Variants in ANKRD13C observed in about 807,000 individuals in gnomAD.
ANKRD13C encodes the protein ankyrin repeat domain 13C, also known as ankyrin repeat domain-containing protein 13C.
ANKRD13C carries 16 observed loss-of-function variants against 65.5 expected under a neutral mutation model. The observed-to-expected ratio is 0.24, with a 90% CI of 0.17 to 0.37. The LOEUF is 0.37. Ranked by LOEUF, ANKRD13C falls within the 10% of genes least tolerant of loss-of-function variation. ANKRD13C has a pLI of 1.00. For synonymous variants in ANKRD13C, 235 were observed against 238.7 expected (o/e 0.98, Z 0.14); for missense variants, 503 against 655.9 (o/e 0.77, Z 2.55).
intron 7 of ANKRD13C, among the ~76,000 whole-genome samples, chr1:70,299,056 T>G (rs1680213781): frequency 6.6e-6 from 1 of 152,104 alleles, no homozygotes; most frequent in Non-Finnish European, 1.5e-5. Flanking sequence ...AATGTAACAT[T>G]AGAAGCTTTA....
At chr1:70,344,630 T>C (rs922528170) in intron 1 of ANKRD13C, among the ~76,000 whole-genome samples, 3 of 152,082 alleles carry the variant, frequency 2.0e-5, no homozygotes, top group East Asian at 3.8e-4. Flanking sequence ...AGAAGAAAAA[T>C]AGACCTAATA....
At chr1:70,327,996 C>T (rs979838654) in intron 2 of ANKRD13C, among the ~76,000 whole-genome samples, 4 of 151,934 alleles carry the variant, frequency 2.6e-5, no homozygotes, top group Non-Finnish European at 5.9e-5. Context: ...ACCCAGAAGG[C>T]GGAGGTTGCA....
intron 11 of ANKRD13C, among the ~76,000 whole-genome samples, chr1:70,272,325 A>G (rs994699928): frequency 1.3e-5 from 2 of 151,786 alleles, no homozygotes; most frequent in African/African-American, 4.8e-5. Context: ...TCCCGGGTTC[A>G]AGTGATTGTC....
intron 12 of ANKRD13C, among the ~76,000 whole-genome samples, chr1:70,269,816 A>G (rs554589897): frequency 2.4e-4 from 36 of 152,232 alleles, no homozygotes; most frequent in African/African-American, 7.0e-4. Flanking sequence ...AATTTTTAGC[A>G]ATGAAAACAT....
intron 1 of ANKRD13C, among the ~76,000 whole-genome samples, chr1:70,336,914 C>T (rs1682066568): frequency 6.6e-6 from 1 of 152,140 alleles, no homozygotes; most frequent in South Asian, 2.1e-4. Flanking sequence ...AAATGATACC[C>T]TAAGCCATAC....
intron 7 of ANKRD13C, among the ~76,000 whole-genome samples, chr1:70,298,399 T>TAAAC (rs1680185186): frequency 6.6e-6 from 1 of 152,184 alleles, no homozygotes. Flanking sequence ...CATATTAGGA[T>TAAAC]AAACAACAAG....
chr1:70,311,023 G>GCC, intron 5 of ANKRD13C, among the ~76,000 whole-genome samples: 1 of 152,276 alleles, frequency 6.6e-6, no homozygotes, highest in East Asian at 1.9e-4. Flanking sequence ...AGCCTGATGA[G>GCC]CTAGAGTTAT....
At chr1:70,272,966 C>T (rs1243355482) in intron 11 of ANKRD13C, among the ~76,000 whole-genome samples, 9 of 150,614 alleles carry the variant, frequency 6.0e-5, no homozygotes. Flanking sequence ...CCAGCCTTGG[C>T]AACAGAGTGA....
rs115349962 is a variant in ANKRD13C at position 70,299,136 on chromosome 1, G to C, written c.921+1628C>G. ...GGTGGGAGAGAAAGTAACACCAAGT[G>C]CATGCCCTACAGGTGTGAGGGTGCA... On this transcript the variant is annotated intron_variant, in intron 7 of 12. Transcript: ENST00000370944. Among the ~76,000 whole-genome samples the C allele has an allele frequency of 7.7e-3, 1,176 of 152,286 alleles. 16 individuals carry two copies. The highest frequency in any genetic ancestry group is 0.027 in the African/African-American group (1,116 of 41,544).
At chr1:70,316,875 T>G (rs974879188) in intron 3 of ANKRD13C, among the ~76,000 whole-genome samples, 1 of 152,160 alleles carries the variant, frequency 6.6e-6, no homozygotes. Context: ...CACGCTAGTT[T>G]CCTCCTGATT....
At chr1:70,327,903 A>T (rs1312712821) in intron 2 of ANKRD13C, among the ~76,000 whole-genome samples, 2 of 152,056 alleles carry the variant, frequency 1.3e-5, no homozygotes, top group East Asian at 3.9e-4. Flanking sequence ...GTCTCTACTA[A>T]AATACAAAAA....
chr1:70,350,196 T>C (rs1682689162), intron 1 of ANKRD13C, among the ~76,000 whole-genome samples: 3 of 152,242 alleles, frequency 2.0e-5, no homozygotes, highest in Admixed American at 6.5e-5. Flanking sequence ...AAGTATATGC[T>C]GCTTTACAGC....
At chr1:70,276,464 C>A (rs563427335) in intron 10 of ANKRD13C, among the ~76,000 whole-genome samples, 2 of 152,258 alleles carry the variant, frequency 1.3e-5, no homozygotes, top group South Asian at 4.1e-4. Flanking sequence ...AAGCAACTGT[C>A]CTGCGCAATT....
intron 6 of ANKRD13C, among the ~76,000 whole-genome samples, chr1:70,302,720 C>T (rs1303131186): frequency 1.6e-5 from 1 of 64,014 alleles, no homozygotes; most frequent in Non-Finnish European, 2.6e-5. Context: ...AGCGAGACTC[C>T]GTCTCAAAAA....
intron 5 of ANKRD13C, among the ~76,000 whole-genome samples, chr1:70,309,026 C>T (rs192245943): frequency 7.3e-5 from 11 of 151,328 alleles, no homozygotes; most frequent in Non-Finnish European, 1.0e-4. Context: ...CTACCACTTA[C>T]TCCCCAATTT....
At chr1:70,300,443 C>A (rs911624083) in intron 7 of ANKRD13C, among the ~76,000 whole-genome samples, 9 of 151,974 alleles carry the variant, frequency 5.9e-5, no homozygotes, top group African/African-American at 2.2e-4. Context: ...CAAAAATTAG[C>A]CGGGCTTGGT....
intron 9 of ANKRD13C, among the ~76,000 whole-genome samples, chr1:70,291,209 C>T (rs10157062): frequency 0.064 from 9,669 of 151,910 alleles, 407 homozygotes; most frequent in South Asian, 0.21. Flanking sequence ...TTTGTAGAGG[C>T]GGGATTTCAC....
chr1:70,311,153 TG>T (rs2101445258), intron 5 of ANKRD13C, among the ~76,000 whole-genome samples: 1 of 152,254 alleles, frequency 6.6e-6, no homozygotes, highest in Admixed American at 6.5e-5. Flanking sequence ...TTAAAATTAG[TG>T]AAGTATTTCC....
intron 7 of ANKRD13C, among the ~76,000 whole-genome samples, chr1:70,299,406 C>T (rs897991612): frequency 1.3e-5 from 2 of 152,198 alleles, no homozygotes; most frequent in Non-Finnish European, 2.9e-5. Flanking sequence ...ACTAAGGTTT[C>T]ATAAATGTGT....
Sources: gnomAD v4.1 joint callset for allele counts (sites outside exome capture counted in the v4.1 genomes callset) on GRCh38, gnomAD v4.1.1 for gene constraint, MANE v1.5 for transcripts, NCBI Gene and HGNC (gene_info 2026-07-23, HGNC 2026-07-21) for gene names.